DNM1L: variants seen among roughly 807,000 people sequenced by gnomAD.
DNM1L encodes the protein dynamin 1L, also known as dynamin-1-like protein.
In DNM1L, 33 loss-of-function variants were observed where a neutral mutation model predicts 92.8. That is an observed-to-expected ratio of 0.36 (90% CI 0.27 to 0.48). DNM1L has a LOEUF of 0.48. Ranked by LOEUF, DNM1L falls within the 20% of genes least tolerant of loss-of-function variation. The pLI is 0.99. For missense variants in DNM1L, 485 were observed against 888.8 expected (o/e 0.55, Z 5.78); for synonymous variants, 284 against 305.0 (o/e 0.93, Z 0.72).
chr12:32,695,882 G>A (rs1408554204), intron 1 of DNM1L, among the ~76,000 whole-genome samples: 3 of 152,090 alleles, frequency 2.0e-5, no homozygotes, highest in African/African-American at 7.2e-5. Flanking sequence ...TACCTTATGA[G>A]GGAAAGAAGC....
At position 32,744,500 on chromosome 12, in the gene DNM1L, G is replaced by A. The variant is rs1486949790; in HGVS notation, c.*1090G>A. 5.7e-6 allele frequency: 1 copy of A among 176,520 alleles called. No homozygotes were observed. The highest frequency in any genetic ancestry group is 6.3e-5 in the Admixed American group (1 of 16,000). The allele number at this position is 176,520 out of a possible 1,614,324, so 10.9% of individuals were successfully genotyped here. ...AGGCCGAGGCAGGTGGATCACCTGA[G>A]GTTGGGAGTTGGAGACCAGCTTGAC... On this transcript the variant is annotated 3_prime_UTR_variant, in exon 20 of 20. Transcript: ENST00000549701.
chr12:32,706,383 T>C (rs1427597910), intron 2 of DNM1L, among the ~76,000 whole-genome samples: 1 of 152,220 alleles, frequency 6.6e-6, no homozygotes, highest in South Asian at 2.1e-4. Context: ...AATACACTTA[T>C]TAAGATATTT....
rs11427372 is a variant in DNM1L at position 32,701,709 on chromosome 12, T to TAA, written c.250+154_250+155dup. On this transcript the variant is annotated intron_variant, in intron 2 of 19. Transcript: ENST00000549701. ...GAAGTAGTATGCATCTTTCTTAATG[T>TAA]AAAAAAAAGAGTAGTTTTTGTTTTG... 3.0e-3 allele frequency: 2,245 copies of TAA among 753,818 alleles called. 18 individuals are homozygous for TAA. Among genetic ancestry groups the TAA allele is most frequent in the South Asian group, 0.016 (959 of 58,588 alleles). 46.7% of individuals were successfully genotyped at this position (753,818 alleles called of 1,614,324 possible).
chr12:32,709,321 A>G (rs746573743), intron 4 of DNM1L, among the ~76,000 whole-genome samples: 3 of 152,194 alleles, frequency 2.0e-5, no homozygotes, highest in Non-Finnish European at 4.4e-5. Context: ...GTTATTGATC[A>G]TAACATCAGT....
At chr12:32,716,348 T>G (rs994074043) in intron 6 of DNM1L, among the ~76,000 whole-genome samples, 3 of 152,154 alleles carry the variant, frequency 2.0e-5, no homozygotes, top group Non-Finnish European at 4.4e-5. Context: ...TATTTTTTGT[T>G]TATTGAGACA....
At chr12:32,723,940 C>A (rs1953940880) in intron 9 of DNM1L, among the ~76,000 whole-genome samples, 1 of 152,170 alleles carries the variant, frequency 6.6e-6, no homozygotes, top group African/African-American at 2.4e-5. Context: ...TGAACACTAA[C>A]TTCTCAAAAA....
In DNM1L at chr12:32,737,949, T is replaced by G. The variant is rs1420363087; in HGVS notation, c.1674+7T>G. On this transcript the variant is annotated splice_region_variant and intron_variant, in intron 15 of 19. Transcript: ENST00000549701. ...TGCTGAGGCTGATGGCAAGGTCTGT[T>G]CTGATTCTTAATCTAAGCCTGCATG... 6.2e-7 allele frequency: 1 copy of G among 1,613,596 alleles called. No homozygotes were observed.
intron 19 of DNM1L, among the ~76,000 whole-genome samples, chr12:32,743,057 A>G (rs1469890414): frequency 6.6e-6 from 1 of 151,224 alleles, no homozygotes; most frequent in Non-Finnish European, 1.5e-5. Flanking sequence ...CACCACACCC[A>G]GCTAATTTTT....
At chr12:32,694,694 T>C (rs1399808386) in intron 1 of DNM1L, among the ~76,000 whole-genome samples, 3 of 152,032 alleles carry the variant, frequency 2.0e-5, no homozygotes, top group African/African-American at 4.8e-5. Context: ...CAAAAACACA[T>C]AGAAAATGTG....
rs367627379 is a variant in DNM1L at position 32,737,916 on chromosome 12, G to A, written c.1648G>A (p.Ala550Thr). ...ACCTGCCTCCCAGGAGCCCTCCCCC[G>A]CTGCTTCTGCTGAGGCTGATGGCAA... is the stretch of plus-strand genomic sequence containing the variant. ...LAPASQEPSP[A>T]ASAEADGKLI... The change falls in exon 15 of 20, where the codon GCT becomes ACT. Residue 550 changes from alanine to threonine, a missense_variant. Coordinates refer to ENST00000549701, the MANE Select transcript of DNM1L (RefSeq NM_012062.5). 232 of 1,613,552 alleles carry A rather than the reference G, an allele frequency of 1.4e-4. No individual in the cohort carries two copies. The highest frequency in any genetic ancestry group is 1.7e-4 in the Non-Finnish European group (200 of 1,179,954).
chr12:32,717,897 T>C lies in DNM1L; in HGVS notation c.620-746T>C, dbSNP rs866833027. ...ATACTATATATATTTATATATACTA[T>C]ATATAGTATATATATAAAATATAGT... On this transcript the variant is annotated intron_variant, in intron 6 of 19. Coordinates refer to ENST00000549701, the MANE Select transcript of DNM1L (RefSeq NM_012062.5). Among the ~76,000 whole-genome samples the C allele has an allele frequency of 1.0e-3, 104 of 100,368 alleles. 7 individuals carry two copies. Among genetic ancestry groups the C allele is most frequent in the African/African-American group, 4.4e-3 (101 of 22,720 alleles). The allele number at this position is 100,368 out of a possible 152,430, so 65.8% of individuals were successfully genotyped here. A position where few individuals can be genotyped will look rare whatever the true frequency, so the allele number is the denominator to read the frequency against.
Position 32,744,721 on chromosome 12 carries a change from A to T in DNM1L, c.*1311A>T, listed in dbSNP as rs1480854031. 5.5e-6 allele frequency: 2 copies of T among 366,942 alleles called. No individual in the cohort carries two copies. Among genetic ancestry groups the T allele is most frequent in the Non-Finnish European group, 1.0e-5 (2 of 191,810 alleles). 22.7% of individuals were successfully genotyped at this position (366,942 alleles called of 1,614,324 possible). ...AGAGCGAAACTCCGTCTCAAAAAAAAAAAATAAAACAACACCCAGATAGAT... is the reference window on the plus strand; with the variant it reads ...AGAGCGAAACTCCGTCTCAAAAAAATAAAATAAAACAACACCCAGATAGAT... On this transcript the variant is annotated 3_prime_UTR_variant, in exon 20 of 20. Transcript: ENST00000549701.
At chr12:32,694,047 A>G (rs1021379660) in intron 1 of DNM1L, among the ~76,000 whole-genome samples, 2 of 151,988 alleles carry the variant, frequency 1.3e-5, no homozygotes, top group African/African-American at 4.8e-5. Context: ...CTAAACAGCC[A>G]CATAATCTAC....
chr12:32,722,269 C>A lies in DNM1L; in HGVS notation c.873-158C>A, dbSNP rs555572494. ...GTCCAAGGATTTTAGGAGCTGACTG[C>A]CAGGAAATGAAGACAAAGACCAAAT... On this transcript the variant is annotated intron_variant, in intron 8 of 19. Coordinates refer to ENST00000549701, the MANE Select transcript of DNM1L (RefSeq NM_012062.5). Among the ~76,000 whole-genome samples, 4 of 152,228 alleles carry A rather than the reference C, an allele frequency of 2.6e-5. No individual in the cohort carries two copies. In the South Asian group the frequency reaches 8.3e-4, roughly 32 times the overall value.
At chr12:32,707,062 T>C (rs1414127145) in intron 2 of DNM1L, 1 of 274,342 alleles carries the variant, frequency 3.6e-6, no homozygotes, top group African/African-American at 2.2e-5. Context: ...CAAAAAAATA[T>C]GAAGAGAAAT....
intron 16 of DNM1L, 30 bp downstream of exon 16, chr12:32,738,326 T>C (rs770400271): frequency 6.2e-7 from 1 of 1,612,778 alleles, no homozygotes. Context: ...ATGGAAATGT[T>C]GGTACCTTTG....
intron 1 of DNM1L, among the ~76,000 whole-genome samples, chr12:32,687,894 G>T (rs1952085912): frequency 6.6e-6 from 1 of 151,836 alleles, no homozygotes; most frequent in Non-Finnish European, 1.5e-5. Context: ...TTGGTTGTTT[G>T]GGGTCCCTTG....
intron 4 of DNM1L, among the ~76,000 whole-genome samples, chr12:32,710,311 ACG>A (rs1378546215): frequency 6.6e-5 from 10 of 152,326 alleles, no homozygotes; most frequent in Admixed American, 5.9e-4. Flanking sequence ...CTTGTTATCT[ACG>A]CCTTACTCTC....
intron 6 of DNM1L, 34 bp downstream of exon 6, chr12:32,713,405 T>C: frequency 6.2e-7 from 1 of 1,609,092 alleles, no homozygotes; most frequent in Non-Finnish European, 8.5e-7. Context: ...GAGATGCTTA[T>C]TTTACAATGG....
Sources: gnomAD v4.1 joint callset for allele counts (sites outside exome capture counted in the v4.1 genomes callset) on GRCh38, gnomAD v4.1.1 for gene constraint, MANE v1.5 for transcripts, NCBI Gene and HGNC (gene_info 2026-07-23, HGNC 2026-07-21) for gene names.